The following LEPROTL1 variants were observed in gnomAD, a reference collection of about 807,000 sequenced individuals.
LEPROTL1 encodes leptin receptor overlapping transcript like 1.
Under a neutral mutation model 15.4 loss-of-function variants are expected in LEPROTL1, and 6 were observed. The observed-to-expected ratio is 0.39, with a 90% confidence interval of 0.21 to 0.77. The LOEUF (loss-of-function observed/expected upper bound fraction) is 0.77, where lower values mean the gene tolerates loss of function less well. Ranked by LOEUF, LEPROTL1 falls within the 30% of genes least tolerant of loss-of-function variation. LEPROTL1 has a pLI of 0.41. For missense variants in LEPROTL1, 128 were observed against 158.1 expected (o/e 0.81, Z 1.02); for synonymous variants, 56 against 52.6 (o/e 1.06, Z -0.28).
At chr8:30,102,541 A>G (rs1348941983) in intron 2 of LEPROTL1, among the ~76,000 whole-genome samples, 2 of 151,706 alleles carry the variant, frequency 1.3e-5, no homozygotes, top group Non-Finnish European at 2.9e-5. Context: ...AGTCCCAGGT[A>G]CTCGGGAGGC....
intron 2 of LEPROTL1, among the ~76,000 whole-genome samples, chr8:30,103,240 A>C (rs1802502106): frequency 6.6e-6 from 1 of 152,192 alleles, no homozygotes; most frequent in Non-Finnish European, 1.5e-5. Flanking sequence ...TAACATGTAA[A>C]TATGTTCAAG....
At chr8:30,099,560 C>T (rs1802427467) in intron 1 of LEPROTL1, among the ~76,000 whole-genome samples, 1 of 145,666 alleles carries the variant, frequency 6.9e-6, no homozygotes, top group African/African-American at 2.5e-5. Flanking sequence ...CAAGATCGCG[C>T]CACTGCACTC....
chr8:30,097,164 C>T (rs1802379569), intron 1 of LEPROTL1, among the ~76,000 whole-genome samples: 1 of 152,132 alleles, frequency 6.6e-6, no homozygotes, highest in African/African-American at 2.4e-5. Context: ...TGTATGAATT[C>T]TTGCCTTGTT....
intron 1 of LEPROTL1, among the ~76,000 whole-genome samples, chr8:30,097,533 C>T (rs901289294): frequency 1.3e-5 from 2 of 151,676 alleles, no homozygotes; most frequent in African/African-American, 4.8e-5. Context: ...ATTAGCTGGG[C>T]ATGGTGGCAG....
At chr8:30,121,709 A>T (rs1328165467) in intron 3 of LEPROTL1, among the ~76,000 whole-genome samples, 2 of 152,000 alleles carry the variant, frequency 1.3e-5, no homozygotes, top group East Asian at 3.9e-4. Context: ...CAATGCAGGG[A>T]TGTGTGATTC....
intron 1 of LEPROTL1, among the ~76,000 whole-genome samples, chr8:30,100,825 G>A (rs1434719747): frequency 2.6e-5 from 4 of 151,878 alleles, no homozygotes; most frequent in Non-Finnish European, 5.9e-5. Context: ...ATTCACTAAC[G>A]TGAGAGCACC....
At chr8:30,123,102 A>T (rs1292288068) in intron 3 of LEPROTL1, among the ~76,000 whole-genome samples, 1 of 152,162 alleles carries the variant, frequency 6.6e-6, no homozygotes, top group South Asian at 2.1e-4. Flanking sequence ...TATGAAGGCC[A>T]GGGGTCTCTG....
At chr8:30,103,194 G>A (rs1323404600) in intron 2 of LEPROTL1, among the ~76,000 whole-genome samples, 1 of 152,098 alleles carries the variant, frequency 6.6e-6, no homozygotes, top group Non-Finnish European at 1.5e-5. Context: ...GAAATACTAG[G>A]CAGTCTTAAA....
Position 30,106,407 on chromosome 8 carries a change from G to A in LEPROTL1, c.*545G>A. On this transcript the variant is annotated 3_prime_UTR_variant, in exon 4 of 4. Coordinates refer to ENST00000321250, the MANE Select transcript of LEPROTL1 (RefSeq NM_015344.3). ...CTGTATACTCAGTGCAAATATAGCT[G>A]CATTTATACCTCAGAGGGGCCAAGT... 1 of 985,806 alleles carries A rather than the reference G, an allele frequency of 1.0e-6. No homozygotes were observed. Among genetic ancestry groups the A allele is most frequent in the Non-Finnish European group, 1.2e-6 (1 of 829,906 alleles). The allele number at this position is 985,806 out of a possible 1,614,324, so 61.1% of individuals were successfully genotyped here. A position where few individuals can be genotyped will look rare whatever the true frequency, so the allele number is the denominator to read the frequency against.
intron 1 of LEPROTL1, among the ~76,000 whole-genome samples, chr8:30,098,613 T>G (rs1802412649): frequency 6.6e-6 from 1 of 152,204 alleles, no homozygotes; most frequent in Non-Finnish European, 1.5e-5. Flanking sequence ...TTCAGAAAAT[T>G]ATCTGCATTT....
At chr8:30,105,519 AATATATTTATACTGT>A (rs1015158789) in intron 3 of LEPROTL1, among the ~76,000 whole-genome samples, 2 of 148,526 alleles carry the variant, frequency 1.3e-5, no homozygotes, top group Admixed American at 6.7e-5. Flanking sequence ...TTATACTATA[AATATATTTATACTGT>A]ATATATTTAT....
exon 5 of LEPROTL1, chr8:30,137,308 G>T: frequency 5.8e-6 from 9 of 1,551,698 alleles, no homozygotes; most frequent in Non-Finnish European, 7.8e-6. Context: ...GATGGGAACA[G>T]CTGAGTCTGA....
intron 1 of LEPROTL1, among the ~76,000 whole-genome samples, chr8:30,098,638 C>T (rs1802412800): frequency 6.6e-6 from 1 of 152,182 alleles, no homozygotes; most frequent in Non-Finnish European, 1.5e-5. Context: ...TCTAGTCCAA[C>T]TGTCATTTTA....
At position 30,106,441 on chromosome 8, in the gene LEPROTL1, C is replaced by T. The variant is rs757578898; in HGVS notation, c.*579C>T. 2.0e-6 allele frequency: 2 copies of T among 985,668 alleles called. No homozygotes were observed. Among genetic ancestry groups the T allele is most frequent in the Non-Finnish European group, 2.4e-6 (2 of 829,872 alleles). The allele number at this position is 985,668 out of a possible 1,614,324, so 61.1% of individuals were successfully genotyped here. On this transcript the variant is annotated 3_prime_UTR_variant, in exon 4 of 4. Transcript: ENST00000321250. ...CCTCAGAGGGGCCAAGTGTTAATGC[C>T]CATGCCCTCCGTTAAGGGTTGTTGG...
intron 3 of LEPROTL1, chr8:30,131,941 T>C (rs1217563728): frequency 6.5e-7 from 1 of 1,540,874 alleles, no homozygotes; most frequent in East Asian, 2.5e-5. Flanking sequence ...CAGGGAAAGA[T>C]GTCAGTTACA....
chr8:30,110,414 G>T (rs1030612267), downstream of LEPROTL1, among the ~76,000 whole-genome samples: 1 of 151,962 alleles, frequency 6.6e-6, no homozygotes, highest in Non-Finnish European at 1.5e-5. Flanking sequence ...GCAGAATCAG[G>T]AATTTTTTTT....
intron 3 of LEPROTL1, among the ~76,000 whole-genome samples, chr8:30,119,368 C>T (rs1202067981): frequency 3.3e-5 from 5 of 152,208 alleles, no homozygotes. Flanking sequence ...ACAGTCTGAT[C>T]TCTCTTTCTT....
At position 30,106,828 on chromosome 8, in the gene LEPROTL1, C is replaced by G; in HGVS notation, c.*966C>G. 2 of 984,724 alleles carry G rather than the reference C, an allele frequency of 2.0e-6. No individual in the cohort carries two copies. Among genetic ancestry groups the G allele is most frequent in the Non-Finnish European group, 2.4e-6 (2 of 828,918 alleles). 61.0% of individuals were successfully genotyped at this position (984,724 alleles called of 1,614,324 possible). A position where few individuals can be genotyped will look rare whatever the true frequency, so the allele number is the denominator to read the frequency against. On this transcript the variant is annotated 3_prime_UTR_variant, in exon 4 of 4. Coordinates refer to ENST00000321250, the MANE Select transcript of LEPROTL1 (RefSeq NM_015344.3). ...GCCAGAAAACCTTCCTCTGCTTCCT[C>G]CTTTTGACTTATTTGGTATGTTGTA...
chr8:30,106,291 C>CA lies in LEPROTL1; in HGVS notation c.*435dup, dbSNP rs1802566083. 1.0e-6 allele frequency: 1 copy of CA among 985,684 alleles called. No homozygotes were observed. The highest frequency in any genetic ancestry group is 1.2e-6 in the Non-Finnish European group (1 of 829,594). 61.1% of individuals were successfully genotyped at this position (985,684 alleles called of 1,614,324 possible). ...TAAAATTATTTAGCCTCCATTATTACAAAAAATTATAAAAATAAGTTTTCA... is the reference window on the plus strand; with the variant it reads ...TAAAATTATTTAGCCTCCATTATTACAAAAAAATTATAAAAATAAGTTTTCA... On this transcript the variant is annotated 3_prime_UTR_variant, in exon 4 of 4. Transcript: ENST00000321250.
Sources: allele counts gnomAD v4.1 joint callset (sites outside exome capture counted in the v4.1 genomes callset), GRCh38; gene constraint gnomAD v4.1.1; transcripts MANE v1.5; gene names NCBI Gene and HGNC (gene_info 2026-07-23, HGNC 2026-07-21).